SLC44A5: variants seen among roughly 807,000 people sequenced by gnomAD.
SLC44A5 encodes the protein solute carrier family 44 member 5.
SLC44A5 carries 57 observed loss-of-function variants against 101.8 expected under a neutral mutation model. The ratio of observed to expected loss-of-function variants is 0.56; its 90% CI spans 0.45 to 0.70. SLC44A5 has a LOEUF of 0.70. Among genes scored for constraint, SLC44A5 ranks in the 30% least tolerant of loss-of-function variants. The probability of loss-of-function intolerance (pLI) is 0.00; values close to 1 mark genes in which losing one functional copy is unlikely to be tolerated. For synonymous variants in SLC44A5, 281 were observed against 290.9 expected (o/e 0.97, Z 0.35); for missense variants, 737 against 853.1 (o/e 0.86, Z 1.70).
intron 1 of SLC44A5, among the ~76,000 whole-genome samples, chr1:75,589,486 G>GGA (rs761736337): frequency 1.3e-5 from 2 of 152,102 alleles, no homozygotes; most frequent in Admixed American, 6.6e-5. Context: ...GAATATTTAT[G>GGA]GAGAGAGAGA....
chr1:75,369,015 CA>C (rs60347096), intron 3 of SLC44A5, among the ~76,000 whole-genome samples: 10,888 of 151,044 alleles, frequency 0.072, 1,313 homozygotes, highest in African/African-American at 0.24. Context: ...CTCTTTCTCA[CA>C]TTTTTTTTTT....
intron 3 of SLC44A5, among the ~76,000 whole-genome samples, chr1:75,346,196 C>A (rs2101052596): frequency 6.6e-6 from 1 of 152,200 alleles, no homozygotes; most frequent in South Asian, 2.1e-4. Flanking sequence ...GGTATCATGA[C>A]CTATGATGGT....
intron 5 of SLC44A5, among the ~76,000 whole-genome samples, chr1:75,289,971 G>T (rs896277990): frequency 1.3e-5 from 2 of 152,202 alleles, no homozygotes; most frequent in Admixed American, 6.5e-5. Context: ...GTCTCACGTA[G>T]CTGCTTAGTG....
At chr1:75,433,792 G>A (rs1475690953) in intron 2 of SLC44A5, among the ~76,000 whole-genome samples, 2 of 152,056 alleles carry the variant, frequency 1.3e-5, no homozygotes, top group African/African-American at 4.8e-5. Flanking sequence ...ACCCGAGACT[G>A]GGTCATTTAT....
In SLC44A5 at chr1:75,396,591, T is replaced by C; in HGVS notation, c.44A>G (p.Glu15Gly). 1 of 1,612,536 alleles carries C rather than the reference T, an allele frequency of 6.2e-7. No homozygotes were observed. Among genetic ancestry groups the C allele is most frequent in the Non-Finnish European group, 8.5e-7 (1 of 1,179,056 alleles). ...EKPADTPSEE[E>G]DFGDPRTYDP... is the part of the protein sequence containing the mutation. The stretch of plus-strand genomic sequence containing the variant: ...CTCAGACTATGACTTACCAAAGTCC[T>C]CTTCCTCAGAGGGAGTATCTGCTGG... The change falls in exon 3 of 24, where the codon GAG becomes GGG. Residue 15 changes from glutamate (E) to glycine (G), a missense_variant. Glu to Gly is a moderately conservative substitution (Grantham distance 98). Transcript: ENST00000370859.
the SLC44A5 span, among the ~76,000 whole-genome samples, chr1:75,684,940 C>T: frequency 2.0e-5 from 3 of 152,222 alleles, no homozygotes; most frequent in Non-Finnish European, 4.4e-5. Context: ...AGAGGTTCTC[C>T]GTGAGAGCTC....
At chr1:75,302,778 G>A (rs1445408859) in intron 4 of SLC44A5, among the ~76,000 whole-genome samples, 1 of 152,142 alleles carries the variant, frequency 6.6e-6, no homozygotes, top group Non-Finnish European at 1.5e-5. Flanking sequence ...TGAGACAGTT[G>A]ATCTGACAAG....
In SLC44A5 at chr1:75,238,376, C is replaced by T. The variant is rs1383450302; in HGVS notation, c.656+137G>A. ...TCAAGCTCTTCAATTCACAGTAACA[C>T]GTATATTTCATATATATATATATAT... On this transcript the variant is annotated intron_variant, in intron 10 of 23. Coordinates refer to ENST00000370859, the MANE Select transcript of SLC44A5 (RefSeq NM_001130058.2). The T allele has an allele frequency of 1.4e-4, 31 of 221,370 alleles. 1 individual carries two copies. In the East Asian group the frequency reaches 3.1e-3, roughly 22 times the overall value. 13.7% of individuals were successfully genotyped at this position (221,370 alleles called of 1,614,324 possible). A position where few individuals can be genotyped will look rare whatever the true frequency, so the allele number is the denominator to read the frequency against.
At chr1:75,633,646 T>C in the SLC44A5 span, among the ~76,000 whole-genome samples, 2 of 152,074 alleles carry the variant, frequency 1.3e-5, no homozygotes, top group African/African-American at 4.8e-5. Flanking sequence ...TTTCTAGATA[T>C]ACAATCATGT....
At chr1:75,367,639 G>A (rs181959724) in intron 3 of SLC44A5, among the ~76,000 whole-genome samples, 125 of 152,320 alleles carry the variant, frequency 8.2e-4, no homozygotes, top group African/African-American at 2.7e-3. Context: ...GTGGTTCCTC[G>A]TGCGTCCCTT....
At position 75,266,738 on chromosome 1, in the gene SLC44A5, T is replaced by C. The variant is rs367646799; in HGVS notation, c.260+8220A>G. ...TAACAATGAATTTACTGAGCACATATTGTAATGCCAGACAATGCTGTAGGT... is the reference window on the plus strand; with the variant it reads ...TAACAATGAATTTACTGAGCACATACTGTAATGCCAGACAATGCTGTAGGT... On this transcript the variant is annotated intron_variant, in intron 6 of 23. Coordinates refer to ENST00000370859, the MANE Select transcript of SLC44A5 (RefSeq NM_001130058.2). 4.6e-5 allele frequency among the ~76,000 whole-genome samples: 7 copies of C among 152,340 alleles called. No homozygotes were observed. In the East Asian group the frequency reaches 5.8e-4, roughly 13 times the overall value.
chr1:75,212,037 C>G (rs1646868761), intron 22 of SLC44A5, among the ~76,000 whole-genome samples: 1 of 152,098 alleles, frequency 6.6e-6, no homozygotes, highest in African/African-American at 2.4e-5. Context: ...TCCAGGGACT[C>G]TTGCCACATG....
intron 6 of SLC44A5, among the ~76,000 whole-genome samples, chr1:75,268,209 A>G (rs1651164238): frequency 6.6e-6 from 1 of 151,894 alleles, no homozygotes; most frequent in Non-Finnish European, 1.5e-5. Context: ...ATGCCTCAGG[A>G]CCTTTGCACT....
At chr1:75,641,210 TTTA>T in the SLC44A5 span, 1 of 291,240 alleles carries the variant, frequency 3.4e-6, no homozygotes, top group Non-Finnish European at 6.4e-6. Context: ...TTTTAAATAT[TTTA>T]TTATATTTGA....
intron 5 of SLC44A5, among the ~76,000 whole-genome samples, chr1:75,282,169 C>T (rs781058976): frequency 6.6e-6 from 1 of 152,180 alleles, no homozygotes; most frequent in African/African-American, 2.4e-5. Context: ...CTTGCATTAG[C>T]GTGACCTGGA....
intron 18 of SLC44A5, among the ~76,000 whole-genome samples, chr1:75,217,050 TTA>T (rs1646975373): frequency 1.3e-5 from 2 of 152,082 alleles, no homozygotes; most frequent in African/African-American, 4.8e-5. Context: ...AGCTTTCATC[TTA>T]TGTTTTCTTC....
chr1:75,220,900 C>A (rs1043501991), intron 14 of SLC44A5, among the ~76,000 whole-genome samples: 3 of 152,136 alleles, frequency 2.0e-5, no homozygotes, highest in African/African-American at 7.2e-5. Flanking sequence ...CTTAGGTTTA[C>A]CCTGTATTCT....
intron 5 of SLC44A5, among the ~76,000 whole-genome samples, chr1:75,283,745 G>A (rs1031993920): frequency 2.0e-5 from 3 of 148,526 alleles, no homozygotes; most frequent in Non-Finnish European, 4.5e-5. Flanking sequence ...ACCATTTGTT[G>A]AGCAGGATTT....
At chr1:75,282,573 A>G (rs1211520201) in intron 5 of SLC44A5, among the ~76,000 whole-genome samples, 1 of 152,114 alleles carries the variant, frequency 6.6e-6, no homozygotes, top group Non-Finnish European at 1.5e-5. Flanking sequence ...CCAAAATTTC[A>G]TCTTGAATTA....
Sources: gnomAD v4.1 joint callset for allele counts (sites outside exome capture counted in the v4.1 genomes callset) on GRCh38, gnomAD v4.1.1 for gene constraint, MANE v1.5 for transcripts, NCBI Gene and HGNC (gene_info 2026-07-23, HGNC 2026-07-21) for gene names.